KLHDC8A: variants seen among roughly 807,000 people sequenced by gnomAD.
KLHDC8A encodes the protein kelch domain-containing protein 8A.
In KLHDC8A, 21 loss-of-function variants were observed where a neutral mutation model predicts 33.1. The observed-to-expected ratio is 0.64, with a 90% CI of 0.45 to 0.91. The LOEUF (loss-of-function observed/expected upper bound fraction) is 0.91, where lower values mean the gene tolerates loss of function less well. Ranked by LOEUF, KLHDC8A falls within the 40% of genes least tolerant of loss-of-function variation. The probability of loss-of-function intolerance (pLI) is 0.00; values close to 1 mark genes in which losing one functional copy is unlikely to be tolerated. For missense variants in KLHDC8A, 435 were observed against 483.3 expected (o/e 0.90, Z 0.94); for synonymous variants, 173 against 193.5 (o/e 0.89, Z 0.88).
chr1:205,352,827 C>G (rs1387253480), intron 1 of KLHDC8A, among the ~76,000 whole-genome samples: 1 of 152,232 alleles, frequency 6.6e-6, no homozygotes, highest in East Asian at 1.9e-4. Context: ...GGCCCTTGAG[C>G]ATCCTCCTGT....
At chr1:205,346,066 C>T (rs1235500383) in intron 1 of KLHDC8A, among the ~76,000 whole-genome samples, 1 of 152,196 alleles carries the variant, frequency 6.6e-6, no homozygotes, top group Non-Finnish European at 1.5e-5. Flanking sequence ...CATCTTACTA[C>T]TTTGAGTTCT....
chr1:205,343,611 C>T lies in KLHDC8A; in HGVS notation c.-7G>A. Reference sequence around the variant, plus strand: ...TGACGTTAGGCACCTCCATGGCAGCCTTGGGGAGCGCCCGGGCGCCGGGAG... The same window carrying T: ...TGACGTTAGGCACCTCCATGGCAGCTTTGGGGAGCGCCCGGGCGCCGGGAG... On this transcript the variant is annotated 5_prime_UTR_variant, in exon 2 of 6. Transcript: ENST00000367155. 1 of 1,563,310 alleles carries T rather than the reference C, an allele frequency of 6.4e-7. No individual in the cohort carries two copies. The highest frequency in any genetic ancestry group is 8.7e-7 in the Non-Finnish European group (1 of 1,152,392).
At chr1:205,344,482 G>T (rs1408870305) in intron 1 of KLHDC8A, 1 of 152,356 alleles carries the variant, frequency 6.6e-6, no homozygotes, top group African/African-American at 2.4e-5. Context: ...AGGAAAGCAG[G>T]GCACTAGAAC....
intron 1 of KLHDC8A, chr1:205,348,234 A>C (rs1187057824): frequency 6.6e-6 from 1 of 152,292 alleles, no homozygotes; most frequent in African/African-American, 2.4e-5. Context: ...TCAGTGTGGC[A>C]GGCCATGGAT....
chr1:205,347,904 C>T (rs186069065), intron 1 of KLHDC8A, among the ~76,000 whole-genome samples: 7 of 152,148 alleles, frequency 4.6e-5, no homozygotes, highest in South Asian at 2.1e-4. Context: ...TCACTCAGTA[C>T]GTTTTGGGTT....
chr1:205,354,684 C>T (rs1009669160), intron 1 of KLHDC8A, among the ~76,000 whole-genome samples: 1 of 152,020 alleles, frequency 6.6e-6, no homozygotes, highest in Non-Finnish European at 1.5e-5. Context: ...AAGGCAGGTG[C>T]ATTCATCACT....
chr1:205,341,078 T>C (rs11240446), intron 2 of KLHDC8A, among the ~76,000 whole-genome samples: 8,809 of 152,254 alleles, frequency 0.058, 549 homozygotes, highest in African/African-American at 0.15. Context: ...GGAAGTGAGC[T>C]GGGATACTTT....
chr1:205,345,720 G>C (rs894535171), intron 1 of KLHDC8A, among the ~76,000 whole-genome samples: 1 of 152,176 alleles, frequency 6.6e-6, no homozygotes, highest in Non-Finnish European at 1.5e-5. Flanking sequence ...CAGCCTGGGT[G>C]ACAGAGCAAG....
At chr1:205,341,800 G>A (rs1245974143) in intron 2 of KLHDC8A, among the ~76,000 whole-genome samples, 2 of 152,070 alleles carry the variant, frequency 1.3e-5, no homozygotes, top group African/African-American at 4.8e-5. Flanking sequence ...ACAGGCGCCC[G>A]CCACTGTGCC....
At position 205,339,943 on chromosome 1, in the gene KLHDC8A, A is replaced by C; in HGVS notation, c.377-135T>G. 1 of 684,276 alleles carries C rather than the reference A, an allele frequency of 1.5e-6. No homozygotes were observed. The highest frequency in any genetic ancestry group is 1.8e-5 in the African/African-American group (1 of 55,746). The allele number at this position is 684,276 out of a possible 1,614,324, so 42.4% of individuals were successfully genotyped here. ...AGCCAGAGTGAGTCATATCTGTATC[A>C]GTGTGGTTGATAGCACCATTCAAAG... On this transcript the variant is annotated intron_variant, in intron 2 of 5. Transcript: ENST00000367155. This position sits in a 1 kb window ranked among gnomAD's most constrained non-coding sequence, Gnocchi z 5.1.
intron 1 of KLHDC8A, among the ~76,000 whole-genome samples, chr1:205,347,260 A>G (rs915921658): frequency 2.5e-4 from 38 of 152,204 alleles, no homozygotes; most frequent in African/African-American, 7.5e-4. Context: ...AAGGAGTGCT[A>G]ATCGGAGGGA....
intron 1 of KLHDC8A, chr1:205,348,704 C>T (rs955548433): frequency 9.9e-5 from 15 of 152,126 alleles, no homozygotes; most frequent in African/African-American, 3.6e-4. Flanking sequence ...TTCTTTCTTC[C>T]CCTTGTGATG....
Position 205,352,676 on chromosome 1 carries a change from C to T in KLHDC8A, c.-190+3857G>A, listed in dbSNP as rs1452952494. On this transcript the variant is annotated intron_variant, in intron 1 of 5. Transcript: ENST00000367155. Reference sequence around the variant, plus strand: ...GAGTCTGGAAAGGTGAGAACCAGGCCAAGCTTTGGGTGAATCAAAGGATCT... The same window carrying T: ...GAGTCTGGAAAGGTGAGAACCAGGCTAAGCTTTGGGTGAATCAAAGGATCT... Among the ~76,000 whole-genome samples, 5 of 152,200 alleles carry T rather than the reference C, an allele frequency of 3.3e-5. No homozygotes were observed. In the South Asian group the frequency reaches 1.0e-3, roughly 31 times the overall value.
intron 1 of KLHDC8A, among the ~76,000 whole-genome samples, chr1:205,356,040 T>C (rs1663258527): frequency 6.6e-6 from 1 of 152,210 alleles, no homozygotes. Flanking sequence ...ACCTGTATAG[T>C]GAACACAGTA....
intron 1 of KLHDC8A, among the ~76,000 whole-genome samples, chr1:205,351,006 G>A (rs1023280216): frequency 6.6e-6 from 1 of 152,186 alleles, no homozygotes; most frequent in African/African-American, 2.4e-5. Context: ...CTAAACAAAA[G>A]GCTGGCCTGC....
chr1:205,350,326 G>T (rs1444138247), intron 1 of KLHDC8A, among the ~76,000 whole-genome samples: 1 of 152,176 alleles, frequency 6.6e-6, no homozygotes, highest in East Asian at 1.9e-4. Context: ...TTCCTGTTGG[G>T]TTCTGACCTT....
Position 205,339,831 on chromosome 1 carries a change from C to A in KLHDC8A, c.377-23G>T. 6.2e-7 allele frequency: 1 copy of A among 1,608,274 alleles called. No individual in the cohort carries two copies. Among genetic ancestry groups the A allele is most frequent in the Non-Finnish European group, 8.5e-7 (1 of 1,176,628 alleles). ...AATCTAAGAAGAAAGGCCATACATG[C>A]CCCTGGCTTAGCTCACAGGTACAGC... On this transcript the variant is annotated intron_variant, in intron 2 of 5. Transcript: ENST00000367155. This position sits in a 1 kb window ranked among gnomAD's most constrained non-coding sequence, Gnocchi z 5.1.
chr1:205,346,128 T>G (rs1184637294), intron 1 of KLHDC8A, among the ~76,000 whole-genome samples: 1 of 152,226 alleles, frequency 6.6e-6, no homozygotes, highest in Non-Finnish European at 1.5e-5. Context: ...ACTTACAAAG[T>G]AAGCACCTCT....
chr1:205,346,317 T>C (rs1662945538), intron 1 of KLHDC8A, among the ~76,000 whole-genome samples: 1 of 152,214 alleles, frequency 6.6e-6, no homozygotes, highest in Non-Finnish European at 1.5e-5. Flanking sequence ...CAGCTTGAAC[T>C]GTCTTCACAA....
Sources: allele counts gnomAD v4.1 joint callset (sites outside exome capture counted in the v4.1 genomes callset), GRCh38; gene constraint gnomAD v4.1.1; non-coding constraint Gnocchi (gnomAD v3.1); transcripts MANE v1.5; gene names NCBI Gene and HGNC (gene_info 2026-07-23, HGNC 2026-07-21).